The following ACSS3 variants were observed in gnomAD, a reference collection of about 807,000 sequenced individuals.
ACSS3 encodes acyl-CoA synthetase short-chain family member 3, mitochondrial.
A neutral mutation model predicts 84.2 loss-of-function variants in ACSS3; 64 were observed. The observed-to-expected ratio is 0.76, with a 90% confidence interval of 0.62 to 0.94. The LOEUF (loss-of-function observed/expected upper bound fraction) is 0.94. ACSS3 is among the 40% of genes least tolerant of loss of function. The pLI, the probability that ACSS3 is intolerant of heterozygous loss-of-function variation, is 0.00. For missense variants in ACSS3, 815 were observed against 867.6 expected (o/e 0.94, Z 0.76); for synonymous variants, 317 against 310.1 (o/e 1.02, Z -0.23).
intron 8 of ACSS3, among the ~76,000 whole-genome samples, chr12:81,196,096 CAT>C (rs2031815553): frequency 6.6e-6 from 1 of 152,152 alleles, no homozygotes; most frequent in Admixed American, 6.5e-5. Context: ...CATACCCACA[CAT>C]GTACATGCAT....
At chr12:81,175,991 T>A (rs954734488) in intron 8 of ACSS3, among the ~76,000 whole-genome samples, 1 of 151,610 alleles carries the variant, frequency 6.6e-6, no homozygotes, top group African/African-American at 2.4e-5. Flanking sequence ...ACAAAAGAAA[T>A]CAACCAAATT....
At chr12:81,136,572 G>A (rs1459403781) in intron 3 of ACSS3, among the ~76,000 whole-genome samples, 1 of 152,056 alleles carries the variant, frequency 6.6e-6, no homozygotes, top group East Asian at 1.9e-4. Context: ...GCTAGTTGAA[G>A]AGAATGACAT....
At chr12:81,188,687 C>T (rs1298754144) in intron 8 of ACSS3, among the ~76,000 whole-genome samples, 4 of 152,026 alleles carry the variant, frequency 2.6e-5, no homozygotes, top group South Asian at 2.1e-4. Flanking sequence ...TAAGTTTGCG[C>T]GTCAAAGTGG....
chr12:81,209,761 G>A (rs1057195340), intron 9 of ACSS3, among the ~76,000 whole-genome samples: 1 of 152,136 alleles, frequency 6.6e-6, no homozygotes, highest in African/African-American at 2.4e-5. Flanking sequence ...CTAGACAAGG[G>A]GTGGATGTTT....
chr12:81,114,614 C>G (rs1883884706), intron 2 of ACSS3, among the ~76,000 whole-genome samples: 1 of 151,648 alleles, frequency 6.6e-6, no homozygotes, highest in African/African-American at 2.4e-5. Context: ...AACAATAAAA[C>G]CTTCATTTAT....
intron 9 of ACSS3, among the ~76,000 whole-genome samples, chr12:81,209,389 A>T (rs748488319): frequency 2.5e-4 from 4 of 16,064 alleles, no homozygotes; most frequent in African/African-American, 4.1e-4. Context: ...ATTGCTATGT[A>T]AAAAAAAAAA....
intron 1 of ACSS3, among the ~76,000 whole-genome samples, chr12:81,097,453 T>C (rs574659418): frequency 6.6e-6 from 1 of 152,372 alleles, no homozygotes; most frequent in South Asian, 2.1e-4. Flanking sequence ...TGTATTCGTT[T>C]TCCTTACTCT....
chr12:81,123,291 T>C (rs924268015), intron 2 of ACSS3, among the ~76,000 whole-genome samples: 12 of 152,110 alleles, frequency 7.9e-5, no homozygotes, highest in African/African-American at 2.7e-4. Flanking sequence ...AACAGATACA[T>C]GAGAAGATCC....
rs2136020829 is a variant in ACSS3 at position 81,253,676 on chromosome 12, T to A, written c.1995+6T>A. 1 of 1,606,826 alleles carries A rather than the reference T, an allele frequency of 6.2e-7. No individual in the cohort carries two copies. The highest frequency in any genetic ancestry group is 1.1e-5 in the South Asian group (1 of 90,494). ...TCAATGGCAAGCCATACAAGGTAAA[T>A]TATCAAAGATATTTATTCCTGGGTT... On this transcript the variant is annotated splice_donor_region_variant and intron_variant, in intron 15 of 15. Transcript: ENST00000548058.
chr12:81,171,724 A>G (rs1280479181), intron 7 of ACSS3, among the ~76,000 whole-genome samples: 1 of 152,182 alleles, frequency 6.6e-6, no homozygotes, highest in Non-Finnish European at 1.5e-5. Context: ...TAGTTTTTTT[A>G]CTAATACAGT....
At chr12:81,205,875 G>A (rs1017942966) in intron 9 of ACSS3, among the ~76,000 whole-genome samples, 4 of 152,094 alleles carry the variant, frequency 2.6e-5, no homozygotes, top group African/African-American at 9.7e-5. Context: ...GTGTTAGCGT[G>A]TGACTTTCTT....
chr12:81,084,935 C>T (rs908022381), intron 1 of ACSS3, among the ~76,000 whole-genome samples: 2 of 152,200 alleles, frequency 1.3e-5, no homozygotes, highest in African/African-American at 4.8e-5. Flanking sequence ...TAGGCAAAAA[C>T]ATTCCATGAG....
intron 12 of ACSS3, 88 bp from the exon 13 acceptor site, chr12:81,233,261 C>A (rs750826337): frequency 2.1e-6 from 3 of 1,439,878 alleles, no homozygotes; most frequent in Non-Finnish European, 2.8e-6. Context: ...AAATCCATTT[C>A]TATTACATTG....
intron 3 of ACSS3, among the ~76,000 whole-genome samples, chr12:81,138,926 T>C (rs1410551360): frequency 6.6e-6 from 1 of 152,190 alleles, no homozygotes; most frequent in African/African-American, 2.4e-5. Context: ...CATGCAGTTT[T>C]GAACAGGTAA....
chr12:81,197,925 A>G (rs1044348719), intron 8 of ACSS3, among the ~76,000 whole-genome samples: 1 of 151,942 alleles, frequency 6.6e-6, no homozygotes, highest in Non-Finnish European at 1.5e-5. Flanking sequence ...CCCCTGTATC[A>G]CACCCCAATA....
rs970108137 is a variant in ACSS3, at chr12:81,245,411, G to A, written c.1720-7896G>A. 4.6e-5 allele frequency among the ~76,000 whole-genome samples: 7 copies of A among 152,338 alleles called. No individual in the cohort carries two copies. In the East Asian group the frequency reaches 1.4e-3, roughly 29 times the overall value. On this transcript the variant is annotated intron_variant, in intron 13 of 15. Transcript: ENST00000548058. Reference sequence around the variant, plus strand: ...CGCAAGGCGGAGCTTGCAGTGAGCTGAGATCGCGCCACTGCACTGCAGCCT... The same window carrying A: ...CGCAAGGCGGAGCTTGCAGTGAGCTAAGATCGCGCCACTGCACTGCAGCCT...
intron 13 of ACSS3, among the ~76,000 whole-genome samples, chr12:81,234,869 G>C (rs1183118294): frequency 2.0e-5 from 3 of 151,074 alleles, no homozygotes; most frequent in Non-Finnish European, 4.4e-5. Flanking sequence ...TTTATTAAAA[G>C]TGTCCATAAC....
intron 5 of ACSS3, among the ~76,000 whole-genome samples, chr12:81,145,595 T>C (rs141060489): frequency 6.8e-4 from 103 of 152,320 alleles, no homozygotes; most frequent in Admixed American, 2.1e-3. Flanking sequence ...GGACTTTACA[T>C]AGGACAGCAT....
At chr12:81,177,397 T>G (rs1487076966) in intron 8 of ACSS3, among the ~76,000 whole-genome samples, 2 of 152,186 alleles carry the variant, frequency 1.3e-5, no homozygotes, top group Non-Finnish European at 1.5e-5. Context: ...AATATGATTC[T>G]ATACTTAGAA....
Sources: gnomAD v4.1 joint callset for allele counts (sites outside exome capture counted in the v4.1 genomes callset) on GRCh38, gnomAD v4.1.1 for gene constraint, MANE v1.5 for transcripts, NCBI Gene and HGNC (gene_info 2026-07-23, HGNC 2026-07-21) for gene names.